Variants in CRNKL1 observed in about 807,000 individuals in gnomAD.
CRNKL1 encodes the protein crooked neck pre-mRNA splicing factor 1, also known as crooked neck-like protein 1.
A neutral mutation model predicts 103.7 loss-of-function variants in CRNKL1; 35 were observed. That is an observed-to-expected ratio of 0.34 (90% CI 0.26 to 0.45). The LOEUF (loss-of-function observed/expected upper bound fraction) is 0.45. CRNKL1 is among the 20% of genes least tolerant of loss of function. The pLI is 1.00. For missense variants in CRNKL1, 645 were observed against 836.0 expected (o/e 0.77, Z 2.82); for synonymous variants, 267 against 282.6 (o/e 0.94, Z 0.55).
At position 20,034,653 on chromosome 20, in the gene CRNKL1, TCTC is replaced by T. The variant is rs1213886249; in HGVS notation, c.*1539_*1541del. The stretch of plus-strand genomic sequence containing the variant: ...GAGCCAAAGGCTATTAAGATGATGT[TCTC>T]CTGCTCACTCACTAGGCAGACCTCT... On this transcript the variant is annotated 3_prime_UTR_variant, in exon 14 of 14. Coordinates refer to ENST00000536226, the MANE Select transcript of CRNKL1 (RefSeq NM_001278628.2). 2.6e-5 allele frequency: 4 copies of T among 152,348 alleles called. No homozygotes were observed. The East Asian group carries it at 5.8e-4, about 22-fold the overall frequency. The allele number at this position is 152,348 out of a possible 1,614,324, so 9.4% of individuals were successfully genotyped here. A position where few individuals can be genotyped will look rare whatever the true frequency, so the allele number is the denominator to read the frequency against.
chr20:20,037,263 C>T (rs978725081), intron 13 of CRNKL1, 60 bp downstream of exon 13: 73 of 1,563,882 alleles, frequency 4.7e-5, no homozygotes, highest in Non-Finnish European at 6.0e-5. Context: ...CACATTTCGA[C>T]GTCAGAAGTG....
At chr20:20,047,703 A>G (rs1207066026) in intron 5 of CRNKL1, 62 bp downstream of exon 5, 3 of 1,534,596 alleles carry the variant, frequency 2.0e-6, no homozygotes, top group Non-Finnish European at 2.7e-6. Context: ...AGACATCTCT[A>G]CAGGAGCAGC....
upstream of CRNKL1, chr20:20,052,529 A>C (rs762160996): frequency 1.2e-6 from 2 of 1,614,216 alleles, no homozygotes; most frequent in East Asian, 2.2e-5. Flanking sequence ...TTCCATGGTG[A>C]CCAGGCTGCG....
upstream of CRNKL1, chr20:20,052,720 G>T (rs1368278260): frequency 1.6e-5 from 25 of 1,606,438 alleles, no homozygotes; most frequent in Non-Finnish European, 2.1e-5. Flanking sequence ...GAGCCGTGGC[G>T]CCCTGCAAGG....
At chr20:20,049,505 T>A (rs1246171316) in intron 2 of CRNKL1, 74 bp from the exon 3 acceptor site, 1 of 740,518 alleles carries the variant, frequency 1.4e-6, no homozygotes, top group Non-Finnish European at 2.3e-6. Flanking sequence ...CTATTTTAAG[T>A]CTTGTACTAA....
At chr20:20,051,156 C>A (rs1190073722) in intron 1 of CRNKL1, among the ~76,000 whole-genome samples, 3 of 152,124 alleles carry the variant, frequency 2.0e-5, no homozygotes, top group Non-Finnish European at 2.9e-5. Context: ...CTGTGCTGTC[C>A]AACACAGTAG....
At chr20:20,048,555 C>T in intron 3 of CRNKL1, 54 bp from the exon 4 acceptor site, 2 of 1,577,768 alleles carry the variant, frequency 1.3e-6, no homozygotes, top group Non-Finnish European at 1.7e-6. Flanking sequence ...ACACATGTAG[C>T]AGTTATTTCA....
chr20:20,042,606 C>T (rs1283953873), intron 7 of CRNKL1, 90 bp from the exon 8 acceptor site: 4 of 1,232,464 alleles, frequency 3.2e-6, no homozygotes, highest in African/African-American at 1.5e-5. Context: ...ATCAGGCTGA[C>T]TTTCTATATT....
intron 5 of CRNKL1, among the ~76,000 whole-genome samples, chr20:20,047,121 A>G (rs982762753): frequency 5.9e-5 from 9 of 152,216 alleles, no homozygotes; most frequent in African/African-American, 1.7e-4. Flanking sequence ...GATGAACTCC[A>G]GTAAGGTAGT....
intron 10 of CRNKL1, 150 bp downstream of exon 10, chr20:20,040,536 A>G: frequency 1.6e-6 from 1 of 641,420 alleles, no homozygotes; most frequent in South Asian, 1.8e-5. Flanking sequence ...GTTTTTACAG[A>G]GGACGCATGT....
At chr20:20,052,827 G>T (rs529962077), upstream of CRNKL1, 4 of 1,107,980 alleles carry the variant, frequency 3.6e-6, no homozygotes, top group African/African-American at 3.1e-5. Flanking sequence ...GCGAGCTGCC[G>T]CCCTTTTAGG....
At chr20:20,043,828 G>A (rs1229266397) in intron 6 of CRNKL1, among the ~76,000 whole-genome samples, 166 bp from the exon 7 acceptor site, 2 of 152,000 alleles carry the variant, frequency 1.3e-5, no homozygotes, top group Non-Finnish European at 1.5e-5. Context: ...TCTCTGTCAG[G>A]ATGGACCGGT....
At chr20:20,040,878 T>C in intron 9 of CRNKL1, 112 bp from the exon 10 acceptor site, 2 of 736,464 alleles carry the variant, frequency 2.7e-6, no homozygotes, top group South Asian at 1.7e-5. Flanking sequence ...TCTCTAAAAC[T>C]TCAGAGTAAG....
At position 20,040,775 on chromosome 20, in the gene CRNKL1, C is replaced by T. The variant is rs373423685; in HGVS notation, c.1225-9G>A. The T allele has an allele frequency of 6.3e-7, 1 of 1,581,952 alleles. No homozygotes were observed. Among genetic ancestry groups the T allele is most frequent in the African/African-American group, 1.3e-5 (1 of 74,092 alleles). Reference sequence around the variant, plus strand: ...ATTTTGGCAAATGTGAACTAGAAAACAAAAGCACAAAAATATCTAGCTTAA... The same window carrying T: ...ATTTTGGCAAATGTGAACTAGAAAATAAAAGCACAAAAATATCTAGCTTAA... On this transcript the variant is annotated splice_polypyrimidine_tract_variant and intron_variant, in intron 9 of 13. Coordinates refer to ENST00000536226, the MANE Select transcript of CRNKL1 (RefSeq NM_001278628.2).
chr20:20,037,426 C>T lies in CRNKL1; in HGVS notation c.1793G>A (p.Arg598Gln), dbSNP rs141413150. The change falls in exon 13 of 14, where the codon CGA becomes CAA. Residue 598 changes from arginine to glutamine, a missense_variant. Coordinates refer to ENST00000536226, the MANE Select transcript of CRNKL1 (RefSeq NM_001278628.2). ...EERLMLLESWRSFEEEFGTAS... is the reference protein window; with the variant it reads ...EERLMLLESWQSFEEEFGTAS... The stretch of plus-strand genomic sequence containing the variant: ...TGTTCCAAATTCTTCTTCAAAACTT[C>T]GCCAAGATTCCAGCAGCATAAGTCT... The T allele has an allele frequency of 2.3e-5, 37 of 1,614,022 alleles. No individual in the cohort carries two copies. In the African/African-American group the frequency reaches 2.7e-4, roughly 12 times the overall value.
At chr20:20,042,243 T>C (rs2043525304) in intron 8 of CRNKL1, 82 bp downstream of exon 8, 1 of 1,269,016 alleles carries the variant, frequency 7.9e-7, no homozygotes, top group South Asian at 1.8e-5. Context: ...CTTTCAAGAA[T>C]TACAAACATC....
In CRNKL1 at chr20:20,037,443, C is replaced by G; in HGVS notation, c.1776G>C (p.Met592Ile). The change falls in exon 13 of 14, where the codon ATG becomes ATC. Residue 592 changes from methionine (M) to isoleucine (I), a missense_variant. Met to Ile is a conservative substitution (Grantham distance 10, BLOSUM62 1). Coordinates refer to ENST00000536226, the MANE Select transcript of CRNKL1 (RefSeq NM_001278628.2). Reference sequence around the variant, plus strand: ...CAAAACTTCGCCAAGATTCCAGCAGCATAAGTCTCTCTTCCTTTTCTTCAC... The same window carrying G: ...CAAAACTTCGCCAAGATTCCAGCAGGATAAGTCTCTCTTCCTTTTCTTCAC... The part of the protein sequence containing the change: ...RNCEEKEERL[M>I]LLESWRSFEE... 1.2e-6 allele frequency: 2 copies of G among 1,614,186 alleles called. No homozygotes were observed. The highest frequency in any genetic ancestry group is 4.5e-5 in the East Asian group (2 of 44,882).
upstream of CRNKL1, among the ~76,000 whole-genome samples, chr20:20,053,952 T>G (rs1402816919): frequency 1.3e-5 from 2 of 151,818 alleles, no homozygotes. Flanking sequence ...TCACCATCCT[T>G]CTCTCTTACA....
intron 3 of CRNKL1, 142 bp from the exon 4 acceptor site, chr20:20,048,643 T>A (rs1341198409): frequency 8.1e-6 from 6 of 736,876 alleles, no homozygotes; most frequent in African/African-American, 1.8e-5. Context: ...TGAAAAGATA[T>A]AATGCTCTCA....
Sources: gnomAD v4.1 joint callset for allele counts (sites outside exome capture counted in the v4.1 genomes callset) on GRCh38, gnomAD v4.1.1 for gene constraint, MANE v1.5 for transcripts, NCBI Gene and HGNC (gene_info 2026-07-23, HGNC 2026-07-21) for gene names.